MATN2: variants seen among roughly 807,000 people sequenced by gnomAD.
MATN2 encodes the protein matrilin 2.
A neutral mutation model predicts 103.2 loss-of-function variants in MATN2; 69 were observed. That is an observed-to-expected ratio of 0.67 (90% CI 0.55 to 0.82). The LOEUF (loss-of-function observed/expected upper bound fraction) is 0.82. MATN2 is among the 40% of genes least tolerant of loss of function. The probability of loss-of-function intolerance (pLI) is 0.00; values close to 1 mark genes in which losing one functional copy is unlikely to be tolerated. For missense variants in MATN2, 1,023 were observed against 1,211.5 expected (o/e 0.84, Z 2.31); for synonymous variants, 429 against 450.2 (o/e 0.95, Z 0.60).
intron 10 of MATN2, among the ~76,000 whole-genome samples, chr8:98,014,297 GA>G (rs34821398): frequency 0.11 from 16,949 of 150,062 alleles, 1,222 homozygotes; most frequent in Middle Eastern, 0.17. Flanking sequence ...ACGGTAGGGG[GA>G]AAAAAAAACA....
chr8:97,884,726 G>A (rs1401239198), intron 1 of MATN2, among the ~76,000 whole-genome samples: 1 of 152,146 alleles, frequency 6.6e-6, no homozygotes, highest in African/African-American at 2.4e-5. Flanking sequence ...AGCCAAGATC[G>A]TGCCACTGCA....
intron 2 of MATN2, among the ~76,000 whole-genome samples, chr8:97,912,210 T>G (rs1357357531): frequency 2.0e-5 from 3 of 152,382 alleles, no homozygotes; most frequent in African/African-American, 7.2e-5. Context: ...GGGTCTTGAA[T>G]AAATACCATT....
chr8:98,001,813 G>A (rs1301316464), intron 7 of MATN2, among the ~76,000 whole-genome samples: 1 of 150,950 alleles, frequency 6.6e-6, no homozygotes, highest in Non-Finnish European at 1.5e-5. Flanking sequence ...TCTTTCTTGA[G>A]GGCCCCCAGT....
At chr8:97,919,642 G>A (rs924338869) in intron 2 of MATN2, among the ~76,000 whole-genome samples, 1 of 152,160 alleles carries the variant, frequency 6.6e-6, no homozygotes, top group Non-Finnish European at 1.5e-5. Context: ...TCATGGCAGG[G>A]TATCTGCAAT....
In MATN2 at chr8:98,021,401, A is replaced by G; in HGVS notation, c.1942+74A>G. 6 of 1,506,082 alleles carry G rather than the reference A, an allele frequency of 4.0e-6. No homozygotes were observed. In the South Asian group the frequency reaches 7.3e-5, roughly 18 times the overall value. 93.3% of individuals were successfully genotyped at this position (1,506,082 alleles called of 1,614,324 possible). A position where few individuals can be genotyped will look rare whatever the true frequency, so the allele number is the denominator to read the frequency against. ...CTGCTTTTTGGAGTATTTTCAGGCA[A>G]CAAATCCCTCACCTCTGCTTCTCCC... is the stretch of plus-strand genomic sequence containing the variant. On this transcript the variant is annotated intron_variant, in intron 13 of 18. Coordinates refer to ENST00000254898, the MANE Select transcript of MATN2 (RefSeq NM_002380.5).
At chr8:97,941,262 G>A (rs1171575416) in intron 3 of MATN2, among the ~76,000 whole-genome samples, 7 of 151,362 alleles carry the variant, frequency 4.6e-5, no homozygotes, top group Non-Finnish European at 1.0e-4. Flanking sequence ...AAACGTGTGA[G>A]TGCATTTTTT....
rs557013273 is a variant in MATN2, at chr8:98,005,232, G to C, written c.1327+1449G>C. Among the ~76,000 whole-genome samples the C allele has an allele frequency of 2.6e-5, 4 of 152,324 alleles. No individual in the cohort carries two copies. The South Asian group carries it at 8.3e-4, about 32-fold the overall frequency. ...TAAGGACTGATCTCAGAGGCCAAAG[G>C]GCTTTTGAACTGGAAAGTGGTGCCA... On this transcript the variant is annotated intron_variant, in intron 8 of 18. Coordinates refer to ENST00000254898, the MANE Select transcript of MATN2 (RefSeq NM_002380.5). This position sits in a 1 kb window ranked among gnomAD's most constrained non-coding sequence, Gnocchi z 4.6.
chr8:97,877,967 C>T (rs555974363), intron 1 of MATN2, among the ~76,000 whole-genome samples: 3 of 151,530 alleles, frequency 2.0e-5, no homozygotes, highest in East Asian at 1.9e-4. Flanking sequence ...CCCAGGATTT[C>T]GGGATGACTG....
chr8:98,027,428 G>T lies in MATN2; in HGVS notation c.1955G>T (p.Gly652Val). 6.2e-7 allele frequency: 1 copy of T among 1,603,410 alleles called. No homozygotes were observed. Among genetic ancestry groups the T allele is most frequent in the African/African-American group, 1.3e-5 (1 of 74,742 alleles). The change falls in exon 14 of 19, where the codon GGC (glycine) becomes GTC (valine). Residue 652 changes from glycine (G) to valine (V), a missense_variant. Transcript: ENST00000254898. ...TCTGTTCATATAGAATGCACTGAAG[G>T]CCCAATTGACCTGGTCTTTGTGATC... The part of the protein sequence containing the change: ...DGRRCKKCTE[G>V]PIDLVFVIDG...
At chr8:97,896,718 T>A (rs1818820260) in intron 2 of MATN2, among the ~76,000 whole-genome samples, 2 of 147,204 alleles carry the variant, frequency 1.4e-5, no homozygotes, top group African/African-American at 5.1e-5. Context: ...GGCAGAGGGA[T>A]CAGGTAACAC....
chr8:98,003,305 C>G (rs1387507793), intron 7 of MATN2, among the ~76,000 whole-genome samples: 1 of 152,172 alleles, frequency 6.6e-6, no homozygotes, highest in East Asian at 1.9e-4. Flanking sequence ...CTCCTCCTCC[C>G]TGGGGCCTCC....
chr8:98,010,222 G>A (rs1444313581), intron 10 of MATN2, among the ~76,000 whole-genome samples: 1 of 152,052 alleles, frequency 6.6e-6, no homozygotes, highest in Non-Finnish European at 1.5e-5. Context: ...TCACCCCCAT[G>A]GGTAACCTCC....
intron 5 of MATN2, among the ~76,000 whole-genome samples, chr8:97,974,486 G>A (rs766063185): frequency 2.0e-4 from 30 of 151,564 alleles, no homozygotes; most frequent in Admixed American, 4.6e-4. Context: ...TCACACTGTC[G>A]CCCAGGCTGG....
At chr8:98,031,402 AT>A (rs1456613770) in intron 15 of MATN2, 2 of 152,162 alleles carry the variant, frequency 1.3e-5, no homozygotes, top group Non-Finnish European at 2.9e-5. Context: ...AATAGCTACC[AT>A]TGTTTGCGCC....
At chr8:97,978,519 A>G (rs1359207371) in intron 5 of MATN2, among the ~76,000 whole-genome samples, 1 of 152,206 alleles carries the variant, frequency 6.6e-6, no homozygotes, top group Non-Finnish European at 1.5e-5. Flanking sequence ...TCAATTTATA[A>G]TGCCCCTACC....
At chr8:97,933,129 TTTAC>T (rs1449308272) in intron 3 of MATN2, among the ~76,000 whole-genome samples, 1 of 152,182 alleles carries the variant, frequency 6.6e-6, no homozygotes, top group Non-Finnish European at 1.5e-5. Flanking sequence ...AATCAAAAGA[TTTAC>T]TTAAGAAATC....
intron 2 of MATN2, among the ~76,000 whole-genome samples, chr8:97,896,078 C>T (rs1818797826): frequency 6.6e-6 from 1 of 152,176 alleles, no homozygotes; most frequent in Non-Finnish European, 1.5e-5. Flanking sequence ...CTGCTGCAGC[C>T]GGTCACACCT....
At chr8:97,898,409 A>T (rs1818883554) in intron 2 of MATN2, among the ~76,000 whole-genome samples, 1 of 152,228 alleles carries the variant, frequency 6.6e-6, no homozygotes, top group South Asian at 2.1e-4. Context: ...CAGCCTGGCC[A>T]ACATGGTGAA....
At chr8:97,889,459 C>CTACATATATATATATATATATATA (rs1554598918) in intron 2 of MATN2, among the ~76,000 whole-genome samples, 2 of 123,366 alleles carry the variant, frequency 1.6e-5, no homozygotes, top group South Asian at 3.1e-4. Flanking sequence ...CTCTCTCTGT[C>CTACATATATATATATATATATATA]TATATATATA....
Sources: allele counts gnomAD v4.1 joint callset (sites outside exome capture counted in the v4.1 genomes callset), GRCh38; gene constraint gnomAD v4.1.1; non-coding constraint Gnocchi (gnomAD v3.1); transcripts MANE v1.5; gene names NCBI Gene and HGNC (gene_info 2026-07-23, HGNC 2026-07-21).